Variants in TASP1 observed in about 807,000 individuals in gnomAD.
The protein encoded by TASP1 is taspase 1, also known as threonine aspartase 1.
TASP1 carries 16 observed loss-of-function variants against 56.6 expected under a neutral mutation model. The ratio of observed to expected loss-of-function variants is 0.28; its 90% CI spans 0.19 to 0.43. TASP1 has a LOEUF of 0.43. TASP1 is among the 20% of genes least tolerant of loss of function. The pLI, the probability that TASP1 is intolerant of heterozygous loss-of-function variation, is 1.00. For missense variants in TASP1, 393 were observed against 511.6 expected, an observed-to-expected ratio of 0.77 and a Z score of 2.24; for synonymous variants, 179 against 184.2, an observed-to-expected ratio of 0.97 and a Z score of 0.23.
chr20:13,530,933 A>G (rs2045194948), intron 9 of TASP1, among the ~76,000 whole-genome samples: 1 of 152,184 alleles, frequency 6.6e-6, no homozygotes, highest in South Asian at 2.1e-4. Context: ...AAATTTTATT[A>G]AAGCTATTAT....
At chr20:13,346,451 T>G in the TASP1 span, among the ~76,000 whole-genome samples, 3 of 152,228 alleles carry the variant, frequency 2.0e-5, no homozygotes, top group African/African-American at 7.2e-5. Context: ...GATGTTTTTC[T>G]GCACCATAAT....
chr20:13,461,849 G>C (rs2044065250), intron 11 of TASP1, among the ~76,000 whole-genome samples: 1 of 152,162 alleles, frequency 6.6e-6, no homozygotes. Context: ...GAGTCGTCCA[G>C]ATCAAGGATC....
chr20:13,612,692 AC>A (rs1240739858), intron 4 of TASP1, among the ~76,000 whole-genome samples: 1 of 152,158 alleles, frequency 6.6e-6, no homozygotes, highest in Non-Finnish European at 1.5e-5. Flanking sequence ...TTCCATTCCC[AC>A]TATGAACATT....
At chr20:13,246,098 C>T in the TASP1 span, among the ~76,000 whole-genome samples, 9 of 151,902 alleles carry the variant, frequency 5.9e-5, no homozygotes, top group African/African-American at 2.2e-4. Context: ...GAAACCCCGT[C>T]TCTACTGAAA....
the TASP1 span, among the ~76,000 whole-genome samples, chr20:13,224,427 A>G: frequency 7.9e-4 from 121 of 152,310 alleles, 2 homozygotes; most frequent in Non-Finnish European, 1.5e-4. Context: ...TAGCAGGTGT[A>G]TTTGAAGACA....
chr20:13,452,006 T>C (rs906566264), intron 11 of TASP1, among the ~76,000 whole-genome samples: 9 of 152,014 alleles, frequency 5.9e-5, no homozygotes, highest in African/African-American at 2.2e-4. Context: ...AGGGGAACAA[T>C]TGGTTAGTGG....
At chr20:13,175,555 C>G in the TASP1 span, among the ~76,000 whole-genome samples, 2 of 152,034 alleles carry the variant, frequency 1.3e-5, no homozygotes, top group African/African-American at 4.8e-5. Context: ...AGGCATAGAG[C>G]AATGACAAAG....
chr20:13,313,659 T>C, the TASP1 span, among the ~76,000 whole-genome samples: 3 of 152,324 alleles, frequency 2.0e-5, no homozygotes, highest in African/African-American at 7.2e-5. Flanking sequence ...TTAACACACC[T>C]TACCACATCA....
the TASP1 span, among the ~76,000 whole-genome samples, chr20:13,370,273 C>A: frequency 2.6e-5 from 4 of 151,882 alleles, no homozygotes; most frequent in Non-Finnish European, 4.4e-5. Flanking sequence ...GAGTTGAAAA[C>A]ACAATAACCC....
the TASP1 span, among the ~76,000 whole-genome samples, chr20:13,180,340 A>G: frequency 1.3e-5 from 2 of 152,168 alleles, no homozygotes; most frequent in Non-Finnish European, 2.9e-5. Context: ...ACCAAGCCCT[A>G]TTCTAGGTAC....
the TASP1 span, among the ~76,000 whole-genome samples, chr20:13,326,622 AT>A: frequency 6.6e-6 from 1 of 152,120 alleles, no homozygotes; most frequent in East Asian, 1.9e-4. Flanking sequence ...GATGTTGAGC[AT>A]TTTTCATGTG....
chr20:13,326,078 G>C, the TASP1 span, among the ~76,000 whole-genome samples: 1 of 152,106 alleles, frequency 6.6e-6, no homozygotes, highest in Non-Finnish European at 1.5e-5. Context: ...TTACCTTTTT[G>C]TGAGTGGTTT....
the TASP1 span, among the ~76,000 whole-genome samples, chr20:13,178,201 G>C: frequency 6.6e-6 from 1 of 152,084 alleles, no homozygotes; most frequent in Admixed American, 6.6e-5. Context: ...AAACCACAGT[G>C]AGGTAATATC....
chr20:13,224,015 C>T, the TASP1 span, among the ~76,000 whole-genome samples: 4 of 152,002 alleles, frequency 2.6e-5, no homozygotes. Context: ...GGGAAGTGGA[C>T]TGAATTCTCA....
rs1568603526 is a variant in TASP1 at position 13,576,399 on chromosome 20, C to CAAAGAAAGAAAGAA, written c.488+4497_488+4498insTTCTTTCTTTCTTT. ...AAAGAAAGAAAGAAAGAAAGAAAGTCAGTCTTATGGAATCTATAAAAATGG... is the reference window on the plus strand; with the variant it reads ...AAAGAAAGAAAGAAAGAAAGAAAGTCAAAGAAAGAAAGAAAGTCTTATGGAATCTATAAAAATGG... On this transcript the variant is annotated intron_variant, in intron 6 of 13. Coordinates refer to ENST00000337743, the MANE Select transcript of TASP1 (RefSeq NM_017714.3). Among the ~76,000 whole-genome samples the CAAAGAAAGAAAGAA allele has an allele frequency of 2.2e-5, 3 of 138,120 alleles. No homozygotes were observed. In the East Asian group the frequency reaches 6.7e-4, roughly 31 times the overall value. The allele number at this position is 138,120 out of a possible 152,430, so 90.6% of individuals were successfully genotyped here.
the TASP1 span, among the ~76,000 whole-genome samples, chr20:13,173,043 A>C: frequency 6.6e-6 from 1 of 152,122 alleles, no homozygotes; most frequent in Non-Finnish European, 1.5e-5. Flanking sequence ...TTGCCATTGC[A>C]TGTGTGGTTA....
At chr20:13,154,380 G>T in the TASP1 span, among the ~76,000 whole-genome samples, 4 of 152,072 alleles carry the variant, frequency 2.6e-5, no homozygotes, top group African/African-American at 9.7e-5. Flanking sequence ...GTGAATTTAG[G>T]GAAATCACTT....
intron 13 of TASP1, chr20:13,393,236 G>C: frequency 5.4e-6 from 4 of 734,146 alleles, no homozygotes; most frequent in Non-Finnish European, 1.0e-5. Flanking sequence ...AGAAGACTGT[G>C]GATGGCCCCT....
At chr20:13,157,806 A>T in the TASP1 span, among the ~76,000 whole-genome samples, 1 of 152,090 alleles carries the variant, frequency 6.6e-6, no homozygotes, top group Admixed American at 6.5e-5. Context: ...TCTTTGTTGG[A>T]AGTTTATATG....
Sources: gnomAD v4.1 joint callset for allele counts (sites outside exome capture counted in the v4.1 genomes callset) on GRCh38, gnomAD v4.1.1 for gene constraint, MANE v1.5 for transcripts, NCBI Gene and HGNC (gene_info 2026-07-23, HGNC 2026-07-21) for gene names.